AK8: variants seen among roughly 807,000 people sequenced by gnomAD.
The protein encoded by AK8 is ATP-AMP transphosphorylase 8.
A neutral mutation model predicts 54.6 loss-of-function variants in AK8; 44 were observed. That is an observed-to-expected ratio of 0.81 (90% CI 0.63 to 1.04). The LOEUF is 1.04. AK8 is among the 50% of genes least tolerant of loss of function. The pLI is 0.00. For missense variants in AK8, 555 were observed against 613.6 expected (o/e 0.90, Z 1.01); for synonymous variants, 239 against 245.6 (o/e 0.97, Z 0.25).
At chr9:132,795,658 G>C (rs1189820156) in intron 10 of AK8, among the ~76,000 whole-genome samples, 1 of 152,106 alleles carries the variant, frequency 6.6e-6, no homozygotes, top group Non-Finnish European at 1.5e-5. Flanking sequence ...CACTGTGCTG[G>C]ACATGGGATA....
rs2131087702 is a variant in AK8 at position 132,770,751 on chromosome 9, T to G, written c.1121+21883A>C. On this transcript the variant is annotated intron_variant, in intron 11 of 12. Coordinates refer to ENST00000298545, the MANE Select transcript of AK8 (RefSeq NM_152572.3). This position sits in a 1 kb window ranked among gnomAD's most constrained non-coding sequence, Gnocchi z 4.3. ...GGGGCGCAGTGTGGGGCGGTCTTGC[T>G]CCCTGTTGACCCCCATTCCCCCTCC... is the stretch of plus-strand genomic sequence containing the variant. 6.6e-6 allele frequency among the ~76,000 whole-genome samples: 1 copy of G among 152,206 alleles called. No individual in the cohort carries two copies. The highest frequency in any genetic ancestry group is 1.9e-4 in the East Asian group (1 of 5,152).
chr9:132,842,102 T>C (rs1168699497), intron 5 of AK8, among the ~76,000 whole-genome samples: 1 of 152,156 alleles, frequency 6.6e-6, no homozygotes, highest in African/African-American at 2.4e-5. Flanking sequence ...AAAACAAAGC[T>C]AGCACACTGG....
intron 10 of AK8, among the ~76,000 whole-genome samples, chr9:132,795,831 C>G (rs1203808510): frequency 1.3e-5 from 2 of 152,180 alleles, no homozygotes; most frequent in East Asian, 3.8e-4. Context: ...TTTGACCGGG[C>G]CTAGGACGGC....
intron 11 of AK8, among the ~76,000 whole-genome samples, chr9:132,746,194 C>T (rs1837644281): frequency 6.6e-6 from 1 of 152,030 alleles, no homozygotes; most frequent in Non-Finnish European, 1.5e-5. Context: ...GCCAGTCTGG[C>T]ATTCACCTGA....
intron 10 of AK8, among the ~76,000 whole-genome samples, chr9:132,807,274 T>C (rs777699870): frequency 4.6e-5 from 7 of 151,818 alleles, no homozygotes; most frequent in Non-Finnish European, 1.0e-4. Flanking sequence ...TGTTGCAGAG[T>C]GTATGCAGAG....
chr9:132,741,427 A>T (rs1837385494), intron 11 of AK8, among the ~76,000 whole-genome samples: 1 of 152,164 alleles, frequency 6.6e-6, no homozygotes, highest in Non-Finnish European at 1.5e-5. Context: ...TCAACACTGA[A>T]GTCGCTCTGT....
intron 5 of AK8, among the ~76,000 whole-genome samples, chr9:132,846,011 C>T (rs529828797): frequency 1.3e-5 from 2 of 152,122 alleles, no homozygotes; most frequent in Non-Finnish European, 2.9e-5. Context: ...GCTTCAAGGG[C>T]GTGTATATAG....
chr9:132,809,104 C>T (rs1298323907), intron 10 of AK8, among the ~76,000 whole-genome samples: 3 of 152,296 alleles, frequency 2.0e-5, no homozygotes, highest in African/African-American at 7.2e-5. Context: ...ATGAAAACTC[C>T]TAACAGGCAG....
chr9:132,831,886 C>G (rs919649184), intron 5 of AK8, among the ~76,000 whole-genome samples: 11 of 151,764 alleles, frequency 7.2e-5, no homozygotes, highest in African/African-American at 1.9e-4. Flanking sequence ...GAGACCCCCC[C>G]ACTCTACCGA....
intron 11 of AK8, among the ~76,000 whole-genome samples, chr9:132,761,822 C>T (rs12349867): frequency 0.25 from 37,599 of 150,804 alleles, 6,262 homozygotes; most frequent in African/African-American, 0.47. Context: ...TTCTCTCTCT[C>T]TCCCTCTCTC....
chr9:132,764,772 C>G (rs748758558), intron 11 of AK8, among the ~76,000 whole-genome samples: 5 of 152,226 alleles, frequency 3.3e-5, no homozygotes, highest in Admixed American at 6.5e-5. Context: ...GCCAAAACCA[C>G]AATTCCTTTT....
chr9:132,835,668 G>A (rs182733012), intron 5 of AK8, among the ~76,000 whole-genome samples: 89 of 152,246 alleles, frequency 5.8e-4, no homozygotes, highest in African/African-American at 2.0e-3. Flanking sequence ...TCTAGCTCAC[G>A]GTTGATGAAA....
intron 3 of AK8, 54 bp from the exon 4 acceptor site, chr9:132,863,832 AT>A: frequency 7.5e-7 from 1 of 1,327,652 alleles, no homozygotes; most frequent in South Asian, 1.2e-5. Context: ...AAATACACAA[AT>A]GACTCTATTA....
intron 11 of AK8, among the ~76,000 whole-genome samples, chr9:132,749,483 A>G (rs1372071667): frequency 6.6e-6 from 1 of 151,932 alleles, no homozygotes; most frequent in Non-Finnish European, 1.5e-5. Flanking sequence ...GAGGATGCAC[A>G]GGATACCTCT....
chr9:132,871,722 G>A (rs1184388321), intron 2 of AK8, among the ~76,000 whole-genome samples: 1 of 152,236 alleles, frequency 6.6e-6, no homozygotes, highest in African/African-American at 2.4e-5. Flanking sequence ...GCTCCTTGGA[G>A]GGAGCTTCAG....
At chr9:132,749,326 T>C (rs1036435749) in intron 11 of AK8, among the ~76,000 whole-genome samples, 47 of 152,030 alleles carry the variant, frequency 3.1e-4, no homozygotes, top group Non-Finnish European at 1.0e-4. Flanking sequence ...CAAGGTCCCA[T>C]CCCTAGTAAA....
intron 11 of AK8, among the ~76,000 whole-genome samples, chr9:132,759,761 T>C (rs1418485948): frequency 6.6e-6 from 1 of 152,226 alleles, no homozygotes; most frequent in Non-Finnish European, 1.5e-5. Context: ...CCGGGCTCTG[T>C]GTTCTGTGTC....
chr9:132,852,769 CAAAAAAAAA>C (rs35786801), intron 5 of AK8, among the ~76,000 whole-genome samples: 25 of 16,416 alleles, frequency 1.5e-3, no homozygotes, highest in African/African-American at 4.5e-3. Context: ...GATTAGGTCT[CAAAAAAAAA>C]AAAAAAAAAA....
intron 2 of AK8, among the ~76,000 whole-genome samples, chr9:132,873,015 A>G (rs547578113): frequency 1.3e-5 from 2 of 152,098 alleles, no homozygotes; most frequent in South Asian, 2.1e-4. Flanking sequence ...GGATTTCACC[A>G]TGTTAGCCAG....
Sources: allele counts gnomAD v4.1 joint callset (sites outside exome capture counted in the v4.1 genomes callset), GRCh38; gene constraint gnomAD v4.1.1; non-coding constraint Gnocchi (gnomAD v3.1); transcripts MANE v1.5; gene names NCBI Gene and HGNC (gene_info 2026-07-23, HGNC 2026-07-21).